Variants in CACNB4 observed in about 807,000 individuals in gnomAD.
CACNB4 encodes the protein voltage-dependent L-type calcium channel subunit beta-4.
A neutral mutation model predicts 71.2 loss-of-function variants in CACNB4; 32 were observed. The ratio of observed to expected loss-of-function variants is 0.45; its 90% CI spans 0.34 to 0.60. The LOEUF (loss-of-function observed/expected upper bound fraction) is 0.60, where lower values mean the gene tolerates loss of function less well. CACNB4 is among the 20% of genes least tolerant of loss of function. The pLI, the probability that CACNB4 is intolerant of heterozygous loss-of-function variation, is 0.01. For missense variants in CACNB4, 464 were observed against 647.9 expected (o/e 0.72, Z 3.08); for synonymous variants, 231 against 236.9 (o/e 0.97, Z 0.23).
At chr2:151,925,530 A>G (rs913892479) in intron 2 of CACNB4, among the ~76,000 whole-genome samples, 2 of 152,210 alleles carry the variant, frequency 1.3e-5, no homozygotes, top group African/African-American at 2.4e-5. Context: ...GAAAACATCT[A>G]TCATTTTGGA....
chr2:151,961,222 A>C (rs1270348607), intron 2 of CACNB4, among the ~76,000 whole-genome samples: 2 of 152,204 alleles, frequency 1.3e-5, no homozygotes, highest in African/African-American at 2.4e-5. Flanking sequence ...GAGAGATCCC[A>C]AAAATTATTC....
intron 2 of CACNB4, among the ~76,000 whole-genome samples, chr2:152,095,879 CT>C (rs1368408052): frequency 6.6e-6 from 1 of 152,150 alleles, no homozygotes; most frequent in Non-Finnish European, 1.5e-5. Context: ...TTTGAAACTC[CT>C]GACCTCAAGT....
At chr2:152,006,299 G>A (rs1682718991) in intron 2 of CACNB4, among the ~76,000 whole-genome samples, 1 of 152,038 alleles carries the variant, frequency 6.6e-6, no homozygotes, top group Non-Finnish European at 1.5e-5. Flanking sequence ...CCTGTCACCT[G>A]GACTAAGCCA....
At chr2:151,846,071 A>T (rs2099837483) in intron 12 of CACNB4, among the ~76,000 whole-genome samples, 2 of 152,364 alleles carry the variant, frequency 1.3e-5, no homozygotes, top group South Asian at 4.1e-4. Flanking sequence ...GTCTTTAAAA[A>T]AAAGTATTTA....
intron 2 of CACNB4, among the ~76,000 whole-genome samples, chr2:152,003,958 C>A (rs1248475725): frequency 6.6e-6 from 1 of 152,160 alleles, no homozygotes; most frequent in Non-Finnish European, 1.5e-5. Context: ...AATCCTCTCA[C>A]CTCTGCCTCC....
At chr2:152,006,892 T>C (rs2881059) in intron 2 of CACNB4, among the ~76,000 whole-genome samples, 33,093 of 152,060 alleles carry the variant, frequency 0.22, 4,894 homozygotes, top group East Asian at 0.73. Flanking sequence ...ATCCTGCCTC[T>C]CCTCCAAGGT....
chr2:152,043,623 T>G (rs1560156882), intron 2 of CACNB4, among the ~76,000 whole-genome samples: 1 of 152,066 alleles, frequency 6.6e-6, no homozygotes, highest in African/African-American at 2.4e-5. Flanking sequence ...CTTGTCCCAG[T>G]TTTTTTTACC....
intron 2 of CACNB4, among the ~76,000 whole-genome samples, chr2:151,922,097 G>C (rs1221465114): frequency 6.6e-6 from 1 of 152,126 alleles, no homozygotes; most frequent in East Asian, 1.9e-4. Context: ...TCTCTCTTCT[G>C]CCTCCCTCTT....
intron 2 of CACNB4, among the ~76,000 whole-genome samples, chr2:152,036,576 G>A (rs1190868431): frequency 6.6e-6 from 1 of 152,126 alleles, no homozygotes; most frequent in Non-Finnish European, 1.5e-5. Context: ...TGGAATTATA[G>A]GCATGAACCA....
At chr2:151,878,696 C>T (rs1349904122) in intron 4 of CACNB4, among the ~76,000 whole-genome samples, 1 of 152,004 alleles carries the variant, frequency 6.6e-6, no homozygotes, top group African/African-American at 2.4e-5. Context: ...TAGTAGTGTA[C>T]TACTAATTAC....
chr2:151,835,018 A>G lies in CACNB4; in HGVS notation c.*4101T>C, dbSNP rs1401001101. The G allele has an allele frequency of 6.6e-6, 1 of 151,970 alleles. No individual in the cohort carries two copies. Among genetic ancestry groups the G allele is most frequent in the Non-Finnish European group, 1.5e-5 (1 of 67,832 alleles). 9.4% of individuals were successfully genotyped at this position (151,970 alleles called of 1,614,324 possible). ...ATGAAGTTTATTCCAATTACATGGG[A>G]GTCCAAGATTATGCATATCCTTACC... On this transcript the variant is annotated 3_prime_UTR_variant, in exon 14 of 14. Coordinates refer to ENST00000539935, the MANE Select transcript of CACNB4 (RefSeq NM_000726.5).
chr2:152,095,825 T>G (rs1482471025), intron 2 of CACNB4, among the ~76,000 whole-genome samples: 1 of 152,130 alleles, frequency 6.6e-6, no homozygotes, highest in Non-Finnish European at 1.5e-5. Context: ...CAAATTTCTT[T>G]GTATTTTTAG....
intron 2 of CACNB4, among the ~76,000 whole-genome samples, chr2:152,054,409 T>C (rs1198513108): frequency 6.6e-6 from 1 of 151,666 alleles, no homozygotes; most frequent in South Asian, 2.1e-4. Context: ...GTTGAGTGAC[T>C]GTATGACAGT....
At chr2:151,906,797 C>G (rs995663190) in intron 2 of CACNB4, among the ~76,000 whole-genome samples, 3 of 152,312 alleles carry the variant, frequency 2.0e-5, no homozygotes, top group Admixed American at 6.5e-5. Flanking sequence ...TTGTCACTCC[C>G]TAGCTCCCTG....
At chr2:151,928,688 C>A (rs1327411522) in intron 2 of CACNB4, among the ~76,000 whole-genome samples, 1 of 152,070 alleles carries the variant, frequency 6.6e-6, no homozygotes, top group Non-Finnish European at 1.5e-5. Context: ...CTCTGAGAGG[C>A]CAAGGTAGGC....
At chr2:152,040,510 C>T (rs1362685692) in intron 2 of CACNB4, among the ~76,000 whole-genome samples, 1 of 152,128 alleles carries the variant, frequency 6.6e-6, no homozygotes, top group Admixed American at 6.5e-5. Context: ...GGCACATTCT[C>T]GGCTCACTGC....
intron 10 of CACNB4, chr2:151,858,433 T>G (rs1272105870): frequency 6.6e-6 from 1 of 152,224 alleles, no homozygotes; most frequent in African/African-American, 2.4e-5. Flanking sequence ...GAAGGGGGTT[T>G]TGTGTAAGGG....
chr2:151,968,951 A>C (rs1280910358), intron 2 of CACNB4: 1 of 152,230 alleles, frequency 6.6e-6, no homozygotes, highest in African/African-American at 2.4e-5. Context: ...GATTCAAGGA[A>C]TTTCTCTCTT....
At chr2:151,929,903 GA>G (rs748861429) in intron 2 of CACNB4, among the ~76,000 whole-genome samples, 21 of 151,962 alleles carry the variant, frequency 1.4e-4, no homozygotes, top group Non-Finnish European at 2.5e-4. Context: ...TCTAGGGTGA[GA>G]AGACTCAATA....
Sources: gnomAD v4.1 joint callset for allele counts (sites outside exome capture counted in the v4.1 genomes callset) on GRCh38, gnomAD v4.1.1 for gene constraint, MANE v1.5 for transcripts, NCBI Gene and HGNC (gene_info 2026-07-23, HGNC 2026-07-21) for gene names.